Variants in BTD observed in about 807,000 individuals in gnomAD.
The protein encoded by BTD is biocytinase.
BTD carries 13 observed loss-of-function variants against 17.7 expected under a neutral mutation model. The observed-to-expected ratio is 0.74, with a 90% confidence interval of 0.48 to 1.17. The LOEUF (loss-of-function observed/expected upper bound fraction) is 1.17. BTD is among the 50% of genes most tolerant of loss of function. The pLI, the probability that BTD is intolerant of heterozygous loss-of-function variation, is 0.00. For synonymous variants in BTD, 240 were observed against 245.2 expected (o/e 0.98, Z 0.20); for missense variants, 674 against 650.4 (o/e 1.04, Z -0.39).
At chr3:15,698,333 A>T (rs2069997199) in intron 3 of BTD, among the ~76,000 whole-genome samples, 1 of 152,212 alleles carries the variant, frequency 6.6e-6, no homozygotes, top group Non-Finnish European at 1.5e-5. Flanking sequence ...CTGGCACAAG[A>T]CAGGGATGCC....
At chr3:15,633,267 T>C (rs2065259506) in intron 1 of BTD, among the ~76,000 whole-genome samples, 1 of 151,584 alleles carries the variant, frequency 6.6e-6, no homozygotes, top group Non-Finnish European at 1.5e-5. Flanking sequence ...GCAGAAACAA[T>C]GGATACTGAG....
At chr3:15,671,063 A>G (rs1158179255) in intron 3 of BTD, among the ~76,000 whole-genome samples, 1 of 152,262 alleles carries the variant, frequency 6.6e-6, no homozygotes, top group Non-Finnish European at 1.5e-5. Flanking sequence ...CTCAAAAGAT[A>G]TGTGTTGAAT....
At position 15,610,168 on chromosome 3, in the gene BTD, A is replaced by G. The variant is rs565459838; in HGVS notation, c.-17+8274A>G. Among the ~76,000 whole-genome samples, 12 of 152,326 alleles carry G rather than the reference A, an allele frequency of 7.9e-5. No homozygotes were observed. The South Asian group carries it at 1.9e-3, about 24-fold the overall frequency. Reference sequence around the variant, plus strand: ...TGGTCTCAACTGGGCTCACCCATGTATCTGTTAGTCAGTTGCCAGTGAACT... The same window carrying G: ...TGGTCTCAACTGGGCTCACCCATGTGTCTGTTAGTCAGTTGCCAGTGAACT... On this transcript the variant is annotated intron_variant, in intron 1 of 3. Transcript: ENST00000643237.
At chr3:15,641,239 T>A (rs901083200) in intron 2 of BTD, among the ~76,000 whole-genome samples, 1 of 152,158 alleles carries the variant, frequency 6.6e-6, no homozygotes, top group Non-Finnish European at 1.5e-5. Flanking sequence ...TAATTCCCAG[T>A]TGGGGAATGG....
intron 3 of BTD, 89 bp from the exon 4 acceptor site, chr3:15,644,227 C>T (rs1313424006): frequency 7.3e-7 from 1 of 1,373,262 alleles, no homozygotes; most frequent in East Asian, 2.5e-5. Context: ...GTCTCAATCT[C>T]CTGACCTCAT....
chr3:15,601,485 C>A (rs1488749297), upstream of BTD: 1 of 1,611,610 alleles, frequency 6.2e-7, no homozygotes, highest in Admixed American at 1.7e-5. Flanking sequence ...AAGCTCTAAG[C>A]ACTCACGCAG....
rs774134297 is a variant in BTD at position 15,601,774 on chromosome 3, A to G, written c.-137A>G. 5 of 1,611,068 alleles carry G rather than the reference A, an allele frequency of 3.1e-6. No homozygotes were observed. In the South Asian group the frequency reaches 5.5e-5, roughly 18 times the overall value. ...GATTGCTGCCTATGCAAAGCAGGTA[A>G]GAAGCCGAACTCTGAGGCCTCTCGC... On this transcript the variant is annotated 5_prime_UTR_variant, in exon 1 of 4. An upstream open reading frame in the 5' UTR loses its in-frame stop. Coordinates refer to ENST00000643237, the MANE Select transcript of BTD (RefSeq NM_001370658.1).
chr3:15,707,913 A>G, intron 3 of BTD: 1 of 1,611,278 alleles, frequency 6.2e-7, no homozygotes, highest in Non-Finnish European at 8.5e-7. Flanking sequence ...TCTCACTCCT[A>G]TGGTACTTAC....
At chr3:15,707,187 C>A (rs2071560682) in intron 3 of BTD, among the ~76,000 whole-genome samples, 1 of 152,072 alleles carries the variant, frequency 6.6e-6, no homozygotes. Context: ...TTTTCACTGA[C>A]CCACACCATA....
At chr3:15,689,734 C>G in intron 3 of BTD, 1 of 273,696 alleles carries the variant, frequency 3.7e-6, no homozygotes, top group Middle Eastern at 1.2e-3. Context: ...ATGTAAACAA[C>G]TTTATATGAA....
At chr3:15,640,693 A>G (rs935980683) in intron 2 of BTD, among the ~76,000 whole-genome samples, 2 of 152,108 alleles carry the variant, frequency 1.3e-5, no homozygotes, top group African/African-American at 2.4e-5. Context: ...GCTTGGCCGT[A>G]TTTTTTAAAG....
intron 1 of BTD, chr3:15,631,311 C>A: frequency 2.6e-6 from 2 of 777,420 alleles, no homozygotes; most frequent in Non-Finnish European, 2.0e-6. Flanking sequence ...TAAAGAATGA[C>A]AAGATATTTT....
intron 3 of BTD, chr3:15,670,305 C>T: frequency 6.2e-7 from 1 of 1,612,378 alleles, no homozygotes; most frequent in Non-Finnish European, 8.5e-7. Flanking sequence ...TTGAGCTCAT[C>T]CACGTCAGTG....
At chr3:15,686,980 G>A (rs1381188837) in intron 3 of BTD, among the ~76,000 whole-genome samples, 3 of 147,794 alleles carry the variant, frequency 2.0e-5, no homozygotes, top group Admixed American at 6.8e-5. Context: ...ATCTCGCTCT[G>A]TCGCCCAGGC....
intron 3 of BTD, among the ~76,000 whole-genome samples, chr3:15,695,664 G>A (rs2069434627): frequency 6.6e-6 from 1 of 152,044 alleles, no homozygotes; most frequent in Non-Finnish European, 1.5e-5. Flanking sequence ...GTGAATGGTG[G>A]TATTCTATTC....
At chr3:15,619,848 A>G (rs1346108229) in intron 1 of BTD, among the ~76,000 whole-genome samples, 10 of 152,256 alleles carry the variant, frequency 6.6e-5, no homozygotes, top group Admixed American at 3.9e-4. Flanking sequence ...GTGACATCAC[A>G]TATCAGCAGG....
chr3:15,623,774 C>T (rs2065006879), intron 1 of BTD, among the ~76,000 whole-genome samples: 1 of 152,156 alleles, frequency 6.6e-6, no homozygotes, highest in African/African-American at 2.4e-5. Flanking sequence ...TGTAGCACTT[C>T]CCACTTAGCT....
At chr3:15,699,450 C>A (rs1442447993) in intron 3 of BTD, among the ~76,000 whole-genome samples, 6 of 152,084 alleles carry the variant, frequency 3.9e-5, no homozygotes, top group Non-Finnish European at 8.8e-5. Flanking sequence ...TCAGAGTGAA[C>A]AGGCAATCTA....
rs140847795 is a variant in BTD at position 15,683,023 on chromosome 3, T to C, written c.400-27037T>C. Among the ~76,000 whole-genome samples, 701 of 152,296 alleles carry C rather than the reference T, an allele frequency of 4.6e-3. 17 individuals are homozygous for C. Among genetic ancestry groups the C allele is most frequent in the East Asian group, 0.024 (123 of 5,188 alleles). On this transcript the variant is annotated intron_variant, in intron 3 of 3. Transcript: ENST00000672141. ...GAGTCTAAATTTAGCAGTGATAGAGTAGGAACTCACTTTAGGGAAAATGTT... is the reference window on the plus strand; with the variant it reads ...GAGTCTAAATTTAGCAGTGATAGAGCAGGAACTCACTTTAGGGAAAATGTT...
Sources: gnomAD v4.1 joint callset for allele counts (sites outside exome capture counted in the v4.1 genomes callset) on GRCh38, gnomAD v4.1.1 for gene constraint, MANE v1.5 for transcripts, NCBI Gene and HGNC (gene_info 2026-07-23, HGNC 2026-07-21) for gene names.